Variants in RANBP2 observed in about 807,000 individuals in gnomAD.
RANBP2 encodes the protein RAN binding protein 2.
In RANBP2, 57 loss-of-function variants were observed where a neutral mutation model predicts 303.6. That is an observed-to-expected ratio of 0.19 (90% CI 0.15 to 0.23). The LOEUF (loss-of-function observed/expected upper bound fraction) is 0.23. RANBP2 is among the 10% of genes least tolerant of loss of function. RANBP2 has a pLI of 1.00. For missense variants in RANBP2, 3,138 were observed against 3,780.8 expected, an observed-to-expected ratio of 0.83 and a Z score of 4.46; for synonymous variants, 1,167 against 1,301.5, an observed-to-expected ratio of 0.90 and a Z score of 2.23.
At chr2:109,473,408 C>A in the RANBP2 span, among the ~76,000 whole-genome samples, 2 of 152,024 alleles carry the variant, frequency 1.3e-5, no homozygotes, top group African/African-American at 4.8e-5. Context: ...CATTTGGCAC[C>A]AAATTGGGAC....
At chr2:109,410,613 G>A in the RANBP2 span, among the ~76,000 whole-genome samples, 1 of 152,248 alleles carries the variant, frequency 6.6e-6, no homozygotes, top group Non-Finnish European at 1.5e-5. Flanking sequence ...GATTGCTGGA[G>A]TTGTTCTGTA....
chr2:109,455,663 A>G, the RANBP2 span, among the ~76,000 whole-genome samples: 1 of 152,210 alleles, frequency 6.6e-6, no homozygotes, highest in African/African-American at 2.4e-5. Context: ...AAAGTGAAGA[A>G]TCGCTGGCTT....
the RANBP2 span, among the ~76,000 whole-genome samples, chr2:108,959,403 C>T: frequency 5.9e-5 from 9 of 152,324 alleles, no homozygotes; most frequent in African/African-American, 1.4e-4. Flanking sequence ...ATGCAGGGGA[C>T]GCTGGGCTGT....
At chr2:108,720,017 G>T (rs1056683964) in intron 1 of RANBP2, 3 of 985,352 alleles carry the variant, frequency 3.0e-6, no homozygotes, top group Non-Finnish European at 3.6e-6. Flanking sequence ...GTTCTCGGGG[G>T]CTTGGGCACC....
the RANBP2 span, among the ~76,000 whole-genome samples, chr2:108,903,186 T>C: frequency 6.6e-6 from 1 of 152,186 alleles, no homozygotes; most frequent in South Asian, 2.1e-4. Context: ...TAACAAAATA[T>C]GCACAGAACT....
intron 20 of RANBP2, among the ~76,000 whole-genome samples, chr2:108,770,331 C>T (rs1677413150): frequency 6.6e-6 from 1 of 152,180 alleles, no homozygotes; most frequent in Admixed American, 6.5e-5. Flanking sequence ...GTTATTTCTC[C>T]TAGCTAGAAA....
chr2:109,336,766 T>C, the RANBP2 span, among the ~76,000 whole-genome samples: 1 of 152,228 alleles, frequency 6.6e-6, no homozygotes, highest in African/African-American at 2.4e-5. Flanking sequence ...GCAAAGCGTT[T>C]TGTAACTAAA....
chr2:109,034,298 G>GAAAAAA, the RANBP2 span, among the ~76,000 whole-genome samples: 1 of 125,456 alleles, frequency 8.0e-6, no homozygotes, highest in Non-Finnish European at 1.7e-5. Context: ...AAAAAAAAAG[G>GAAAAAA]AAGGTTCAAA....
chr2:108,758,391 T>C, intron 17 of RANBP2, 22 bp from the exon 18 acceptor site: 1 of 1,611,804 alleles, frequency 6.2e-7, no homozygotes, highest in Non-Finnish European at 8.5e-7. Flanking sequence ...TAAAATTATT[T>C]GATTTTTTTT....
At chr2:108,781,199 TAAAA>T in intron 25 of RANBP2, 66 bp from the exon 26 acceptor site, 2 of 1,472,412 alleles carry the variant, frequency 1.4e-6, no homozygotes, top group Middle Eastern at 1.8e-4. Context: ...GAGGGATTGA[TAAAA>T]TAAGAGGGGG....
At chr2:109,109,921 AC>A in the RANBP2 span, among the ~76,000 whole-genome samples, 1 of 151,872 alleles carries the variant, frequency 6.6e-6, no homozygotes, top group Admixed American at 6.6e-5. Context: ...TTGAGCACGC[AC>A]CCCCCACAGC....
At chr2:108,833,244 A>G in the RANBP2 span, among the ~76,000 whole-genome samples, 3 of 152,200 alleles carry the variant, frequency 2.0e-5, no homozygotes, top group African/African-American at 7.2e-5. Flanking sequence ...TAAACTATAG[A>G]CTTTAGTTAA....
Position 108,763,368 on chromosome 2 carries a change from A to G in RANBP2, c.2829A>G (p.Ala943=), listed in dbSNP as rs372791515. 1.3e-5 allele frequency: 21 copies of G among 1,613,776 alleles called. No homozygotes were observed. Among genetic ancestry groups the G allele is most frequent in the East Asian group, 2.2e-5 (1 of 44,860 alleles). ...CTCAGGAGATGTATGGTCCTCCTGC[A>G]TTGCGTTTTGAGTCTCCTGCAACGG... is the stretch of plus-strand genomic sequence containing the variant. ...MFSQEMYGPP[A]LRFESPATGI... The change falls in exon 20 of 29, where the codon GCA becomes GCG. Residue 943 remains alanine, a synonymous_variant. Transcript: ENST00000283195.
At chr2:108,849,579 CTTG>C in the RANBP2 span, among the ~76,000 whole-genome samples, 4 of 152,154 alleles carry the variant, frequency 2.6e-5, no homozygotes, top group African/African-American at 9.7e-5. Context: ...TCCCTTCACA[CTTG>C]TTGTGAACGA....
the RANBP2 span, among the ~76,000 whole-genome samples, chr2:109,484,726 T>C: frequency 6.6e-6 from 1 of 152,104 alleles, no homozygotes; most frequent in African/African-American, 2.4e-5. Flanking sequence ...GAAAAGGGTA[T>C]AACAAAACTG....
At chr2:109,612,916 T>C in the RANBP2 span, among the ~76,000 whole-genome samples, 6,818 of 152,310 alleles carry the variant, frequency 0.045, 533 homozygotes, top group African/African-American at 0.16. Context: ...CTGAACTGTT[T>C]CTACAATTTA....
Position 108,764,068 on chromosome 2 carries a change from C to G in RANBP2, c.3529C>G (p.Pro1177Ala), listed in dbSNP as rs1342351426. ...CGGTCCTCACTTTGAGCCTGTAGTA[C>G]CTCTTCCTGATAAGATTGAAGTAAA... ...DDGPHFEPVV[P>A]LPDKIEVKTG... Residue 1177 changes from proline to alanine, a missense_variant, in exon 20 of 29, where the codon CCT becomes GCT. Around this residue, in one of 20 missense-constraint regions of RANBP2, gnomAD observed 403 missense variants for 376.7 expected, o/e 1.07. Coordinates refer to ENST00000283195, the MANE Select transcript of RANBP2 (RefSeq NM_006267.5). 8.7e-6 allele frequency: 14 copies of G among 1,613,878 alleles called. 1 individual carries two copies. In the South Asian group the frequency reaches 1.5e-4, roughly 18 times the overall value.
chr2:109,647,067 G>A, the RANBP2 span, among the ~76,000 whole-genome samples: 1 of 151,832 alleles, frequency 6.6e-6, no homozygotes, highest in Admixed American at 6.6e-5. Context: ...CTGATCCACA[G>A]GGCAGGGTGC....
chr2:108,964,505 T>G, the RANBP2 span, among the ~76,000 whole-genome samples: 2 of 152,168 alleles, frequency 1.3e-5, no homozygotes, highest in Non-Finnish European at 2.9e-5. Flanking sequence ...AATCAGGTAC[T>G]TTGGGGGAAA....
Sources: allele counts gnomAD v4.1 joint callset (sites outside exome capture counted in the v4.1 genomes callset), GRCh38; gene constraint gnomAD v4.1.1; regional missense constraint gnomAD v4.1.1; transcripts MANE v1.5; gene names NCBI Gene and HGNC (gene_info 2026-07-23, HGNC 2026-07-21).